Variants in EVI5 observed in about 807,000 individuals in gnomAD.
The protein encoded by EVI5 is ecotropic viral integration site 5.
In EVI5, 73 loss-of-function variants were observed where a neutral mutation model predicts 112.0. The ratio of observed to expected loss-of-function variants is 0.65; its 90% CI spans 0.54 to 0.79. EVI5 has a LOEUF of 0.79. EVI5 is among the 30% of genes least tolerant of loss of function. The probability of loss-of-function intolerance (pLI) is 0.00; values close to 1 mark genes in which losing one functional copy is unlikely to be tolerated. For synonymous variants in EVI5, 305 were observed against 319.9 expected (o/e 0.95, Z 0.50); for missense variants, 900 against 968.8 (o/e 0.93, Z 0.94).
intron 14 of EVI5, among the ~76,000 whole-genome samples, chr1:92,626,653 G>T (rs1655736062): frequency 6.6e-6 from 1 of 152,108 alleles, no homozygotes; most frequent in Admixed American, 6.6e-5. Flanking sequence ...AATGTATGAG[G>T]GGAACTGCAC....
At chr1:92,713,124 G>A (rs1673090243) in intron 2 of EVI5, among the ~76,000 whole-genome samples, 1 of 151,802 alleles carries the variant, frequency 6.6e-6, no homozygotes. Flanking sequence ...ATCAAATACA[G>A]TTGAAATGTC....
intron 19 of EVI5, among the ~76,000 whole-genome samples, chr1:92,523,503 G>A (rs577952682): frequency 9.9e-5 from 15 of 151,782 alleles, no homozygotes; most frequent in South Asian, 2.1e-4. Flanking sequence ...CTTCAAATAC[G>A]GGTATATAAA....
At chr1:92,530,404 C>G (rs1244496878) in intron 19 of EVI5, among the ~76,000 whole-genome samples, 1 of 152,134 alleles carries the variant, frequency 6.6e-6, no homozygotes, top group East Asian at 1.9e-4. Context: ...CTGAAGAGAG[C>G]AGCGGATCTC....
At chr1:92,599,933 CA>C (rs1282204001) in intron 18 of EVI5, among the ~76,000 whole-genome samples, 1 of 151,954 alleles carries the variant, frequency 6.6e-6, no homozygotes, top group African/African-American at 2.4e-5. Flanking sequence ...AAAAGGTAGT[CA>C]ATGAAATTTC....
At position 92,703,591 on chromosome 1, in the gene EVI5, T is replaced by C; in HGVS notation, c.368A>G (p.His123Arg). 2 of 1,586,404 alleles carry C rather than the reference T, an allele frequency of 1.3e-6. No individual in the cohort carries two copies. The highest frequency in any genetic ancestry group is 1.7e-6 in the Non-Finnish European group (2 of 1,168,550). The change falls in exon 4 of 20, where the codon CAC (histidine) becomes CGC (arginine). Residue 123 changes from histidine (H) to arginine (R), a missense_variant. Coordinates refer to ENST00000684568, the MANE Select transcript of EVI5 (RefSeq NM_001350197.2). Reference sequence around the variant, plus strand: ...AAGTTGCCAAACTATTGCTCTAAAGTGATGGGGTATCCCTTTATGAACAAG... The same window carrying C: ...AAGTTGCCAAACTATTGCTCTAAAGCGATGGGGTATCCCTTTATGAACAAG... ...KELVHKGIPH[H>R]FRAIVWQLLC...
chr1:92,760,429 C>G (rs1681637890), intron 1 of EVI5, among the ~76,000 whole-genome samples: 1 of 152,056 alleles, frequency 6.6e-6, no homozygotes. Context: ...ATACACTAAA[C>G]AACAAAAGTT....
At chr1:92,678,961 A>G (rs1157033170) in intron 9 of EVI5, among the ~76,000 whole-genome samples, 1 of 152,044 alleles carries the variant, frequency 6.6e-6, no homozygotes, top group African/African-American at 2.4e-5. Context: ...ACTAAAGTGT[A>G]TCTTAAAACA....
At chr1:92,735,761 G>A (rs1677302051) in intron 2 of EVI5, among the ~76,000 whole-genome samples, 1 of 138,522 alleles carries the variant, frequency 7.2e-6, no homozygotes, top group African/African-American at 2.6e-5. Context: ...AATATAATAT[G>A]ATATATGTTA....
chr1:92,542,705 G>T (rs1451843503), intron 19 of EVI5, among the ~76,000 whole-genome samples: 1 of 152,120 alleles, frequency 6.6e-6, no homozygotes, highest in Non-Finnish European at 1.5e-5. Context: ...TAAATAATAA[G>T]ACTTGAAAGT....
chr1:92,655,258 C>T lies in EVI5; in HGVS notation c.1392+7461G>A, dbSNP rs12033691. On this transcript the variant is annotated intron_variant, in intron 13 of 19. Transcript: ENST00000684568. The stretch of plus-strand genomic sequence containing the variant: ...TGTCTAATCATCAGTAAAGGAAATC[C>T]CCTCAGACTAACAGTGGACATACTG... Among the ~76,000 whole-genome samples the T allele has an allele frequency of 1.3e-4, 19 of 151,782 alleles. No homozygotes were observed. The East Asian group carries it at 3.7e-3, about 29-fold the overall frequency.
At chr1:92,772,868 T>TG (rs1422221272) in intron 1 of EVI5, among the ~76,000 whole-genome samples, 1 of 142,744 alleles carries the variant, frequency 7.0e-6, no homozygotes, top group Admixed American at 7.4e-5. Context: ...ATTGCACCAT[T>TG]GCACTCCAGC....
At chr1:92,525,711 C>T (rs1661750711) in intron 19 of EVI5, among the ~76,000 whole-genome samples, 2 of 152,232 alleles carry the variant, frequency 1.3e-5, no homozygotes, top group Non-Finnish European at 2.9e-5. Flanking sequence ...CCACTGCCAA[C>T]ATTTTAAAAA....
intron 10 of EVI5, among the ~76,000 whole-genome samples, chr1:92,673,185 C>CTT (rs35702596): frequency 0.54 from 66,429 of 123,732 alleles, 18,219 homozygotes; most frequent in East Asian, 0.83. Flanking sequence ...TAACACTTCT[C>CTT]TTTTTTTTTT....
At chr1:92,655,726 A>C (rs1316730296) in intron 13 of EVI5, among the ~76,000 whole-genome samples, 1 of 152,140 alleles carries the variant, frequency 6.6e-6, no homozygotes, top group Non-Finnish European at 1.5e-5. Flanking sequence ...GAAAAAAGAC[A>C]AGGAAGGTCA....
intron 2 of EVI5, among the ~76,000 whole-genome samples, chr1:92,729,595 G>A (rs1430153287): frequency 6.6e-6 from 1 of 152,184 alleles, no homozygotes; most frequent in East Asian, 1.9e-4. Flanking sequence ...ACCAAAATGT[G>A]TGGGTGGTGA....
intron 1 of EVI5, among the ~76,000 whole-genome samples, chr1:92,780,519 A>C (rs1684725966): frequency 6.6e-6 from 1 of 152,242 alleles, no homozygotes; most frequent in African/African-American, 2.4e-5. Context: ...AAGTTACATT[A>C]ATACAGTGAT....
intron 18 of EVI5, among the ~76,000 whole-genome samples, chr1:92,566,064 A>G (rs1669431258): frequency 6.6e-6 from 1 of 151,242 alleles, no homozygotes; most frequent in East Asian, 1.9e-4. Flanking sequence ...CCCTACCCAA[A>G]TTGTATCTCT....
chr1:92,785,870 A>G (rs973347765), upstream of EVI5, among the ~76,000 whole-genome samples: 3 of 152,076 alleles, frequency 2.0e-5, no homozygotes, highest in African/African-American at 2.4e-5. Context: ...GCCTGAGGTC[A>G]GGAGTTGGAG....
intron 2 of EVI5, among the ~76,000 whole-genome samples, chr1:92,728,165 C>T (rs1675877818): frequency 1.3e-5 from 2 of 152,078 alleles, no homozygotes; most frequent in South Asian, 4.1e-4. Flanking sequence ...GGTCATTTTA[C>T]AAGAGGATAT....
Sources: allele counts gnomAD v4.1 joint callset (sites outside exome capture counted in the v4.1 genomes callset), GRCh38; gene constraint gnomAD v4.1.1; transcripts MANE v1.5; gene names NCBI Gene and HGNC (gene_info 2026-07-23, HGNC 2026-07-21).